Variants in MIR2052HG observed in about 807,000 individuals in gnomAD.
MIR2052HG encodes MIR2052 host gene.
At chr8:74,657,724 A>G (rs1421510401) in intron 2 of MIR2052HG, among the ~76,000 whole-genome samples, 1 of 152,190 alleles carries the variant, frequency 6.6e-6, no homozygotes, top group Admixed American at 6.5e-5. Flanking sequence ...TAAAACCATC[A>G]GATCTTGTGA....
intron 4 of MIR2052HG, among the ~76,000 whole-genome samples, chr8:74,731,440 G>A (rs1362470776): frequency 1.3e-5 from 2 of 152,160 alleles, no homozygotes. Context: ...CTAGGAACTT[G>A]TGGAATGTCG....
intron 2 of MIR2052HG, among the ~76,000 whole-genome samples, chr8:74,673,304 G>A (rs183107793): frequency 6.6e-6 from 1 of 152,068 alleles, no homozygotes; most frequent in African/African-American, 2.4e-5. Context: ...AGTTTAATGA[G>A]TCCTTAGGGA....
intron 4 of MIR2052HG, among the ~76,000 whole-genome samples, chr8:74,749,320 A>G (rs2128756521): frequency 6.6e-6 from 1 of 152,262 alleles, no homozygotes; most frequent in African/African-American, 2.4e-5. Flanking sequence ...TCTGTAAGCT[A>G]CAATATGGAC....
At position 74,604,183 on chromosome 8, in the gene MIR2052HG, T is replaced by A. The variant is rs1158149519; in HGVS notation, n.128+4275T>A. 4 of 896,444 alleles carry A rather than the reference T, an allele frequency of 4.5e-6. No individual in the cohort carries two copies. The Admixed American group carries it at 5.1e-5, about 11-fold the overall frequency. 55.5% of individuals were successfully genotyped at this position (896,444 alleles called of 1,614,324 possible). Reference sequence around the variant, plus strand: ...GATGATACTGCCAACTTCCTTTCCATGCATAAGTAGTCGGATGGTGAGAGT... The same window carrying A: ...GATGATACTGCCAACTTCCTTTCCAAGCATAAGTAGTCGGATGGTGAGAGT... On this transcript the variant is annotated intron_variant and non_coding_transcript_variant, in intron 1 of 6. Transcript: ENST00000523442.
chr8:74,676,310 G>T (rs775636503), intron 2 of MIR2052HG, among the ~76,000 whole-genome samples: 1 of 151,920 alleles, frequency 6.6e-6, no homozygotes, highest in Non-Finnish European at 1.5e-5. Flanking sequence ...CTCAGATTGA[G>T]AATAAAAAGA....
At chr8:74,630,767 A>T (rs1209864693) in intron 2 of MIR2052HG, among the ~76,000 whole-genome samples, 1 of 152,140 alleles carries the variant, frequency 6.6e-6, no homozygotes, top group Non-Finnish European at 1.5e-5. Flanking sequence ...ACAATTCACA[A>T]CAAGAAGAGT....
chr8:74,728,871 G>A (rs1017162605), intron 4 of MIR2052HG, among the ~76,000 whole-genome samples: 1 of 152,106 alleles, frequency 6.6e-6, no homozygotes, highest in Non-Finnish European at 1.5e-5. Context: ...TTTCCTTATT[G>A]CATGGCTCAG....
At chr8:74,683,129 T>C (rs1180068741) in intron 2 of MIR2052HG, among the ~76,000 whole-genome samples, 1 of 152,150 alleles carries the variant, frequency 6.6e-6, no homozygotes, top group Non-Finnish European at 1.5e-5. Context: ...ATAGAAGGCT[T>C]GAGAGTGAGT....
Position 74,753,045 on chromosome 8 carries a change from A to G in MIR2052HG, n.464+512A>G, listed in dbSNP as rs1248018923. Among the ~76,000 whole-genome samples, 8 of 152,188 alleles carry G rather than the reference A, an allele frequency of 5.3e-5. No homozygotes were observed. In the East Asian group the frequency reaches 1.3e-3, roughly 26 times the overall value. On this transcript the variant is annotated intron_variant and non_coding_transcript_variant, in intron 5 of 6. Coordinates refer to ENST00000523442, the Ensembl canonical transcript of MIR2052HG. ...TGTTTCCAGCTATGAATCTAATCAG[A>G]AGGTAGGTATTTTTTAAAACACGTA...
intron 4 of MIR2052HG, among the ~76,000 whole-genome samples, chr8:74,736,651 A>G (rs941529774): frequency 6.6e-6 from 1 of 152,232 alleles, no homozygotes; most frequent in Non-Finnish European, 1.5e-5. Flanking sequence ...CCCATAGCTG[A>G]CATTTGTTCT....
At chr8:74,703,637 A>C (rs1158508044) in exon 4 of MIR2052HG, 1 of 453,138 alleles carries the variant, frequency 2.2e-6, no homozygotes. Flanking sequence ...GGAAAACAGG[A>C]AAATTAGGAG....
At chr8:74,652,302 T>C (rs552926759) in intron 2 of MIR2052HG, among the ~76,000 whole-genome samples, 1 of 152,300 alleles carries the variant, frequency 6.6e-6, no homozygotes, top group East Asian at 1.9e-4. Flanking sequence ...GAAATATAAG[T>C]GGACGTGACA....
chr8:74,686,443 A>T (rs1419755123), intron 2 of MIR2052HG, among the ~76,000 whole-genome samples: 1 of 152,048 alleles, frequency 6.6e-6, no homozygotes, highest in Non-Finnish European at 1.5e-5. Context: ...TAGCATCAGT[A>T]TTGGTCATCC....
chr8:74,718,537 G>A (rs1383442981), intron 4 of MIR2052HG, among the ~76,000 whole-genome samples: 1 of 152,192 alleles, frequency 6.6e-6, no homozygotes, highest in African/African-American at 2.4e-5. Flanking sequence ...GAATAAACCA[G>A]AAGTTGCATG....
intron 2 of MIR2052HG, among the ~76,000 whole-genome samples, chr8:74,617,453 T>C (rs570338238): frequency 2.7e-3 from 245 of 90,074 alleles, no homozygotes; most frequent in Non-Finnish European, 4.3e-3. Flanking sequence ...TAGTATTCCA[T>C]TGGGTGTGTG....
chr8:74,677,110 G>A (rs1809061288), intron 2 of MIR2052HG, among the ~76,000 whole-genome samples: 1 of 151,926 alleles, frequency 6.6e-6, no homozygotes, highest in South Asian at 2.1e-4. Flanking sequence ...TAGAAAAGAT[G>A]ATTAAATAAT....
At chr8:74,630,069 G>A (rs550420099) in intron 2 of MIR2052HG, among the ~76,000 whole-genome samples, 1 of 152,240 alleles carries the variant, frequency 6.6e-6, no homozygotes, top group Non-Finnish European at 1.5e-5. Context: ...CAAAAGCTAG[G>A]ACAATGAATT....
At chr8:74,636,645 C>G (rs1219959580) in intron 2 of MIR2052HG, among the ~76,000 whole-genome samples, 4 of 151,962 alleles carry the variant, frequency 2.6e-5, no homozygotes, top group Admixed American at 2.0e-4. Context: ...GTTTTGTGGT[C>G]CATAAATTTA....
At chr8:74,746,288 T>C (rs1169018130) in intron 4 of MIR2052HG, among the ~76,000 whole-genome samples, 1 of 152,194 alleles carries the variant, frequency 6.6e-6, no homozygotes, top group Non-Finnish European at 1.5e-5. Flanking sequence ...AATTCTCTCA[T>C]GTGCCTGGAA....
Sources: gnomAD v4.1 joint callset for allele counts (sites outside exome capture counted in the v4.1 genomes callset) on GRCh38, gnomAD v4.1.1 for gene constraint, MANE v1.5 for transcripts, NCBI Gene and HGNC (gene_info 2026-07-23, HGNC 2026-07-21) for gene names.